The following WWOX variants were observed in gnomAD, a reference collection of about 807,000 sequenced individuals.
WWOX encodes the protein WW domain containing oxidoreductase.
Under a neutral mutation model 46.2 loss-of-function variants are expected in WWOX, and 69 were observed. The observed-to-expected ratio is 1.49, with a 90% CI of 1.23 to 1.82. The LOEUF is 1.82. Among genes scored for constraint, WWOX ranks in the 40% most tolerant of loss-of-function variants. The pLI, the probability that WWOX is intolerant of heterozygous loss-of-function variation, is 0.00. For synonymous variants in WWOX, 359 were observed against 202.6 expected (o/e 1.77, Z -6.56); for missense variants, 919 against 542.6 (o/e 1.69, Z -6.89).
At chr16:78,990,625 G>C (rs1161614894) in intron 8 of WWOX, among the ~76,000 whole-genome samples, 2 of 152,016 alleles carry the variant, frequency 1.3e-5, no homozygotes, top group African/African-American at 4.8e-5. Context: ...GAACAGGCCA[G>C]AATGTGATAA....
chr16:78,367,784 G>A (rs995764091), intron 5 of WWOX, among the ~76,000 whole-genome samples: 2 of 151,590 alleles, frequency 1.3e-5, no homozygotes, highest in Admixed American at 6.6e-5. Context: ...TCGAGATGGA[G>A]TCTCGCTCTG....
At chr16:79,028,133 C>A (rs2047682416) in intron 8 of WWOX, among the ~76,000 whole-genome samples, 2 of 151,624 alleles carry the variant, frequency 1.3e-5, no homozygotes, top group African/African-American at 4.9e-5. Flanking sequence ...GTATTTTCAG[C>A]AGAGACGGGG....
In WWOX at chr16:78,614,691, G is replaced by A. The variant is rs892343043; in HGVS notation, c.1056+181939G>A. ...AGGGCCTCGCCTTTTTGATACTAAC[G>A]CTACATGAAGAGGGACGGGGCCAAC... On this transcript the variant is annotated intron_variant, in intron 8 of 8. Transcript: ENST00000566780. Among the ~76,000 whole-genome samples the A allele has an allele frequency of 4.6e-5, 7 of 152,296 alleles. No homozygotes were observed. The South Asian group carries it at 8.3e-4, about 18-fold the overall frequency.
Position 78,951,230 on chromosome 16 carries a change from T to G in WWOX, c.1057-260378T>G, listed in dbSNP as rs902538887. On this transcript the variant is annotated intron_variant, in intron 8 of 8. Coordinates refer to ENST00000566780, the MANE Select transcript of WWOX (RefSeq NM_016373.4). Reference sequence around the variant, plus strand: ...GGTCATAATTCTATTTCTCTGCATCTCTCAGCTGTACTTCCATCTCTGTAA... The same window carrying G: ...GGTCATAATTCTATTTCTCTGCATCGCTCAGCTGTACTTCCATCTCTGTAA... Among the ~76,000 whole-genome samples, 4 of 152,344 alleles carry G rather than the reference T, an allele frequency of 2.6e-5. No individual in the cohort carries two copies. The East Asian group carries it at 7.7e-4, about 29-fold the overall frequency.
chr16:78,690,908 G>C (rs1327450096), intron 8 of WWOX, among the ~76,000 whole-genome samples: 1 of 152,154 alleles, frequency 6.6e-6, no homozygotes, highest in Non-Finnish European at 1.5e-5. Flanking sequence ...AAATATTGCA[G>C]GTGGCCGAAG....
At chr16:78,273,480 T>A (rs2079520267) in intron 5 of WWOX, among the ~76,000 whole-genome samples, 1 of 152,108 alleles carries the variant, frequency 6.6e-6, no homozygotes, top group South Asian at 2.1e-4. Context: ...CAATAAACAT[T>A]TATTAAATCC....
At position 78,447,575 on chromosome 16, in the gene WWOX, C is replaced by G. The variant is rs998539454; in HGVS notation, c.1056+14823C>G. On this transcript the variant is annotated intron_variant, in intron 8 of 8. Coordinates refer to ENST00000566780, the MANE Select transcript of WWOX (RefSeq NM_016373.4). ...TAAATATCCGCATACATGCATGCCTCCCCTTAGACTCCATTGTTCCAAAAG... is the reference window on the plus strand; with the variant it reads ...TAAATATCCGCATACATGCATGCCTGCCCTTAGACTCCATTGTTCCAAAAG... Among the ~76,000 whole-genome samples the G allele has an allele frequency of 2.0e-4, 31 of 152,294 alleles. 1 individual carries two copies. The highest frequency in any genetic ancestry group is 7.2e-4 in the African/African-American group (30 of 41,566).
At chr16:78,432,188 G>T (rs111619900) in intron 7 of WWOX, among the ~76,000 whole-genome samples, 1 of 149,366 alleles carries the variant, frequency 6.7e-6, no homozygotes, top group Non-Finnish European at 1.5e-5. Flanking sequence ...CACAATCTTT[G>T]CTCACTGCAA....
intron 8 of WWOX, among the ~76,000 whole-genome samples, chr16:78,716,531 G>A (rs1200575804): frequency 2.0e-5 from 3 of 152,110 alleles, no homozygotes; most frequent in Non-Finnish European, 4.4e-5. Context: ...CCTCACTTTT[G>A]GGTCCCTATG....
chr16:78,642,884 A>C (rs1053197387), intron 8 of WWOX, among the ~76,000 whole-genome samples: 21 of 152,314 alleles, frequency 1.4e-4, no homozygotes, highest in African/African-American at 4.8e-4. Context: ...TCCTACTGCC[A>C]AATTATGGCA....
intron 8 of WWOX, among the ~76,000 whole-genome samples, chr16:78,461,755 C>T (rs780949240): frequency 6.6e-6 from 1 of 152,194 alleles, no homozygotes; most frequent in Non-Finnish European, 1.5e-5. Context: ...GATCGTCGAG[C>T]CCTCCCTTTT....
intron 6 of WWOX, among the ~76,000 whole-genome samples, chr16:78,406,352 A>G (rs1480828901): frequency 3.1e-4 from 23 of 73,342 alleles, no homozygotes; most frequent in Non-Finnish European, 5.9e-4. Context: ...ATATATATAT[A>G]TATTTTATTA....
At chr16:78,905,189 G>A (rs1009480349) in intron 8 of WWOX, among the ~76,000 whole-genome samples, 1 of 152,178 alleles carries the variant, frequency 6.6e-6, no homozygotes, top group Non-Finnish European at 1.5e-5. Flanking sequence ...GCTGGCCTGA[G>A]CATGAGGTTG....
chr16:78,267,553 C>T (rs1434277063), intron 5 of WWOX, among the ~76,000 whole-genome samples: 1 of 152,196 alleles, frequency 6.6e-6, no homozygotes, highest in East Asian at 1.9e-4. Context: ...CTGGGGTCAG[C>T]CCAGGACTCG....
chr16:78,377,455 C>T (rs187936428), intron 5 of WWOX, among the ~76,000 whole-genome samples: 9 of 152,238 alleles, frequency 5.9e-5, no homozygotes, highest in Non-Finnish European at 8.8e-5. Context: ...CTTTACTTGC[C>T]TGCAATCCTT....
intron 5 of WWOX, among the ~76,000 whole-genome samples, chr16:78,338,666 T>C (rs1276048622): frequency 1.6e-5 from 2 of 121,244 alleles, no homozygotes; most frequent in East Asian, 3.9e-4. Context: ...AAAATAGAAA[T>C]AGTGAGAAAT....
At chr16:78,506,080 T>G (rs1326998327) in intron 8 of WWOX, among the ~76,000 whole-genome samples, 2 of 152,156 alleles carry the variant, frequency 1.3e-5, no homozygotes, top group South Asian at 2.1e-4. Context: ...GTCCAAGAGC[T>G]CCTCGCTTGG....
chr16:78,806,486 C>G (rs1177763956), intron 8 of WWOX, among the ~76,000 whole-genome samples: 4 of 152,132 alleles, frequency 2.6e-5, no homozygotes, highest in Admixed American at 2.0e-4. Context: ...AAGCCAGGGT[C>G]TGAGATCATC....
chr16:78,905,296 C>T (rs2044933379), intron 8 of WWOX, among the ~76,000 whole-genome samples: 1 of 152,128 alleles, frequency 6.6e-6, no homozygotes, highest in Non-Finnish European at 1.5e-5. Flanking sequence ...ATATTTACTT[C>T]CAATATGAAG....
Sources: gnomAD v4.1 joint callset for allele counts (sites outside exome capture counted in the v4.1 genomes callset) on GRCh38, gnomAD v4.1.1 for gene constraint, MANE v1.5 for transcripts, NCBI Gene and HGNC (gene_info 2026-07-23, HGNC 2026-07-21) for gene names.